Variants in SPECC1L observed in about 807,000 individuals in gnomAD.
The protein encoded by SPECC1L is sperm antigen with calponin homology and coiled-coil domains 1 like.
In SPECC1L, 40 loss-of-function variants were observed where a neutral mutation model predicts 116.8. The observed-to-expected ratio is 0.34, with a 90% CI of 0.27 to 0.45. SPECC1L has a LOEUF of 0.45. Ranked by LOEUF, SPECC1L falls within the 20% of genes least tolerant of loss-of-function variation. The pLI is 1.00. For synonymous variants in SPECC1L, 504 were observed against 500.6 expected (o/e 1.01, Z -0.09); for missense variants, 1,110 against 1,373.6 (o/e 0.81, Z 3.03).
intron 2 of SPECC1L, among the ~76,000 whole-genome samples, chr22:24,292,502 A>G (rs772045266): frequency 6.6e-6 from 1 of 152,200 alleles, no homozygotes; most frequent in African/African-American, 2.4e-5. Context: ...GTTCTTTTTT[A>G]TAGGAGAAGA....
intron 14 of SPECC1L, among the ~76,000 whole-genome samples, chr22:24,378,611 TAG>T (rs768862832): frequency 2.6e-5 from 4 of 152,220 alleles, no homozygotes; most frequent in Non-Finnish European, 4.4e-5. Flanking sequence ...CTTGAACACT[TAG>T]AGGCCATTGT....
intron 14 of SPECC1L, among the ~76,000 whole-genome samples, chr22:24,383,106 T>C (rs1262592333): frequency 6.6e-6 from 1 of 152,202 alleles, no homozygotes; most frequent in African/African-American, 2.4e-5. Flanking sequence ...TTCGAGGCCT[T>C]CGGTTGAGAC....
At chr22:24,292,483 A>G (rs1437880289) in intron 2 of SPECC1L, among the ~76,000 whole-genome samples, 2 of 152,146 alleles carry the variant, frequency 1.3e-5, no homozygotes, top group Non-Finnish European at 2.9e-5. Context: ...TATAAACTAG[A>G]TTTTATCAGT....
At chr22:24,359,794 A>G (rs2041607353) in intron 11 of SPECC1L, among the ~76,000 whole-genome samples, 1 of 152,318 alleles carries the variant, frequency 6.6e-6, no homozygotes. Flanking sequence ...CTTTGCCTGC[A>G]TAAAGACTAT....
intron 3 of SPECC1L, among the ~76,000 whole-genome samples, chr22:24,313,030 C>T (rs981494711): frequency 6.6e-6 from 1 of 152,152 alleles, no homozygotes; most frequent in Admixed American, 6.5e-5. Flanking sequence ...TGTGCTATCC[C>T]CCATCATCTG....
At chr22:24,303,781 C>T (rs2049431270) in intron 3 of SPECC1L, among the ~76,000 whole-genome samples, 1 of 152,062 alleles carries the variant, frequency 6.6e-6, no homozygotes, top group Admixed American at 6.6e-5. Flanking sequence ...TGTACACTTA[C>T]TCTTGCCAGC....
At chr22:24,365,773 C>G in intron 13 of SPECC1L, 141 bp downstream of exon 13, 1 of 900,020 alleles carries the variant, frequency 1.1e-6, no homozygotes, top group Non-Finnish European at 1.8e-6. Context: ...TTTCTTATAT[C>G]CAGAATTGAG....
chr22:24,310,746 T>C (rs1469824804), intron 3 of SPECC1L, among the ~76,000 whole-genome samples: 1 of 152,222 alleles, frequency 6.6e-6, no homozygotes, highest in Non-Finnish European at 1.5e-5. Context: ...ATTGCAAATA[T>C]ACTTTCCCAG....
chr22:24,386,632 CT>C (rs2042165957), intron 14 of SPECC1L, among the ~76,000 whole-genome samples: 1 of 151,786 alleles, frequency 6.6e-6, no homozygotes, highest in South Asian at 2.1e-4. Context: ...GAGACGGAGT[CT>C]TGCTCTGTCA....
chr22:24,334,246 T>G (rs1028593234), intron 8 of SPECC1L, among the ~76,000 whole-genome samples, 164 bp from the exon 9 acceptor site: 7 of 151,938 alleles, frequency 4.6e-5, no homozygotes, highest in African/African-American at 1.7e-4. Flanking sequence ...TCTCCTGACC[T>G]CGTGATCCTC....
rs1250814195 is a variant in SPECC1L, at chr22:24,317,457, G to A, written c.308-3831G>A. On this transcript the variant is annotated intron_variant, in intron 4 of 16. Coordinates refer to ENST00000314328, the MANE Select transcript of SPECC1L (RefSeq NM_015330.6). The stretch of plus-strand genomic sequence containing the variant: ...CGGGGGGCTGACCCCCCAACCTCCC[G>A]GACGGGGCGGCTGGCTGGGCAGGGG... 3.3e-5 allele frequency among the ~76,000 whole-genome samples: 4 copies of A among 121,834 alleles called. 1 individual carries two copies. Among genetic ancestry groups the A allele is most frequent in the Admixed American group, 2.6e-4 (3 of 11,684 alleles). The allele number at this position is 121,834 out of a possible 152,430, so 79.9% of individuals were successfully genotyped here. A position where few individuals can be genotyped will look rare whatever the true frequency, so the allele number is the denominator to read the frequency against.
At chr22:24,347,205 C>CT in intron 11 of SPECC1L, 29 bp downstream of exon 11, 4 of 1,561,884 alleles carry the variant, frequency 2.6e-6, no homozygotes, top group South Asian at 2.2e-5. Context: ...AGCATTTCAC[C>CT]TTTTTTTCAA....
chr22:24,383,523 C>T (rs2042099826), intron 14 of SPECC1L, among the ~76,000 whole-genome samples: 1 of 151,860 alleles, frequency 6.6e-6, no homozygotes, highest in South Asian at 2.1e-4. Flanking sequence ...ATATTGGAAC[C>T]CTTAGATAGG....
rs1057259435 is a variant in SPECC1L at position 24,344,344 on chromosome 22, A to T, written c.2653-2742A>T. ...CACAATAAAAGAGGGAAAAAAAATT[A>T]AAAAAAAAAACATTAATCTCAACGT... On this transcript the variant is annotated intron_variant, in intron 10 of 16. Coordinates refer to ENST00000314328, the MANE Select transcript of SPECC1L (RefSeq NM_015330.6). 4.9e-4 allele frequency among the ~76,000 whole-genome samples: 62 copies of T among 127,020 alleles called. 1 individual carries two copies. The Middle Eastern group carries it at 0.015, about 30-fold the overall frequency. The allele number at this position is 127,020 out of a possible 152,430, so 83.3% of individuals were successfully genotyped here. A position where few individuals can be genotyped will look rare whatever the true frequency, so the allele number is the denominator to read the frequency against.
rs1310803087 is a variant in SPECC1L, at chr22:24,322,051, A to G, written c.1071A>G (p.Thr357=). 3 of 1,614,120 alleles carry G rather than the reference A, an allele frequency of 1.9e-6. No individual in the cohort carries two copies. Among genetic ancestry groups the G allele is most frequent in the Non-Finnish European group, 2.5e-6 (3 of 1,180,050 alleles). ...SECSEVYQPL[T]SSDDALDAPS... is the part of the protein sequence containing the mutation. ...GCAGTGAGGTCTACCAGCCCCTCAC[A>G]TCGAGCGATGATGCGCTGGATGCAC... Residue 357 remains threonine, a synonymous_variant, in exon 5 of 17, where the codon ACA becomes ACG. Coordinates refer to ENST00000314328, the MANE Select transcript of SPECC1L (RefSeq NM_015330.6).
intron 14 of SPECC1L, among the ~76,000 whole-genome samples, chr22:24,376,885 T>G (rs2041981855): frequency 6.6e-6 from 1 of 152,088 alleles, no homozygotes; most frequent in East Asian, 1.9e-4. Flanking sequence ...TTCAGCCACT[T>G]AAAATGTACA....
At chr22:24,317,236 G>T in intron 4 of SPECC1L, among the ~76,000 whole-genome samples, 1 of 115,460 alleles carries the variant, frequency 8.7e-6, no homozygotes, top group South Asian at 2.8e-4. Context: ...TCACCTCCCG[G>T]ATGGGGCGGC....
intron 11 of SPECC1L, among the ~76,000 whole-genome samples, chr22:24,352,953 G>C (rs1391302653): frequency 6.6e-6 from 1 of 152,072 alleles, no homozygotes; most frequent in Non-Finnish European, 1.5e-5. Flanking sequence ...TTTTATATTT[G>C]CTTTATCACA....
At chr22:24,296,033 G>T (rs185177073) in intron 2 of SPECC1L, among the ~76,000 whole-genome samples, 338 of 152,340 alleles carry the variant, frequency 2.2e-3, no homozygotes, top group African/African-American at 6.0e-3. Flanking sequence ...TGTAGTTTTA[G>T]TGTTGTCACG....
Sources: allele counts gnomAD v4.1 joint callset (sites outside exome capture counted in the v4.1 genomes callset), GRCh38; gene constraint gnomAD v4.1.1; transcripts MANE v1.5; gene names NCBI Gene and HGNC (gene_info 2026-07-23, HGNC 2026-07-21).